AMOTL1: variants seen among roughly 807,000 people sequenced by gnomAD.
AMOTL1 encodes the protein angiomotin-like protein 1.
In AMOTL1, 45 loss-of-function variants were observed where a neutral mutation model predicts 102.9. That is an observed-to-expected ratio of 0.44 (90% CI 0.34 to 0.56). AMOTL1 has a LOEUF of 0.56. AMOTL1 is among the 20% of genes least tolerant of loss of function. The probability of loss-of-function intolerance (pLI) is 0.01; values close to 1 mark genes in which losing one functional copy is unlikely to be tolerated. For missense variants in AMOTL1, 1,114 were observed against 1,225.6 expected (o/e 0.91, Z 1.36); for synonymous variants, 481 against 484.7 (o/e 0.99, Z 0.10).
chr11:94,792,134 G>T (rs1321127292), intron 1 of AMOTL1, among the ~76,000 whole-genome samples: 1 of 152,166 alleles, frequency 6.6e-6, no homozygotes, highest in Non-Finnish European at 1.5e-5. Flanking sequence ...GGAATACTAT[G>T]CAGCCATAAA....
At chr11:94,786,259 A>C (rs1053317562) in intron 1 of AMOTL1, among the ~76,000 whole-genome samples, 2 of 152,224 alleles carry the variant, frequency 1.3e-5, no homozygotes, top group African/African-American at 4.8e-5. Flanking sequence ...TTAAAGGCTA[A>C]ATTTTAAAAA....
intron 3 of AMOTL1, among the ~76,000 whole-genome samples, chr11:94,744,599 A>G (rs1352207433): frequency 1.3e-5 from 2 of 152,114 alleles, no homozygotes; most frequent in Non-Finnish European, 2.9e-5. Context: ...GGAAGTGGGG[A>G]GAATAGGTCG....
upstream of AMOTL1, among the ~76,000 whole-genome samples, chr11:94,766,997 C>A (rs766628109): frequency 6.6e-6 from 1 of 152,140 alleles, no homozygotes; most frequent in Non-Finnish European, 1.5e-5. Flanking sequence ...TTGCCCAGTG[C>A]TGCCTTTTCC....
intron 3 of AMOTL1, among the ~76,000 whole-genome samples, chr11:94,757,599 G>T (rs1355413471): frequency 6.6e-6 from 1 of 152,112 alleles, no homozygotes; most frequent in Admixed American, 6.5e-5. Context: ...TAAGAAAAGG[G>T]AACAGCTTAG....
At chr11:94,840,764 TAAAAC>T (rs1367976350) in intron 6 of AMOTL1, among the ~76,000 whole-genome samples, 19 of 150,690 alleles carry the variant, frequency 1.3e-4, no homozygotes, top group African/African-American at 4.4e-4. Context: ...ATGCCTTAGT[TAAAAC>T]AAATATAAGT....
intron 2 of AMOTL1, among the ~76,000 whole-genome samples, chr11:94,732,748 C>G (rs1189830836): frequency 6.6e-6 from 1 of 152,206 alleles, no homozygotes; most frequent in Non-Finnish European, 1.5e-5. Context: ...GGGAATCCTG[C>G]TGTCTGTCAT....
At chr11:94,711,519 T>C (rs4408268) in intron 1 of AMOTL1, among the ~76,000 whole-genome samples, 36,226 of 152,010 alleles carry the variant, frequency 0.24, 5,367 homozygotes, top group Middle Eastern at 0.33. Context: ...TCACATTAGC[T>C]TCATGTAACT....
At chr11:94,845,540 T>C (rs1952393196) in intron 6 of AMOTL1, among the ~76,000 whole-genome samples, 2 of 152,270 alleles carry the variant, frequency 1.3e-5, no homozygotes, top group African/African-American at 4.8e-5. Context: ...AGTATAGTAC[T>C]ATGTGCCAAG....
intron 2 of AMOTL1, chr11:94,740,803 C>G: frequency 3.1e-6 from 2 of 644,836 alleles, no homozygotes; most frequent in South Asian, 3.1e-5. Flanking sequence ...CGCGGGGCCT[C>G]CGGCTCAGGG....
intron 5 of AMOTL1, 23 bp from the exon 6 acceptor site, chr11:94,831,429 A>T: frequency 6.3e-7 from 1 of 1,576,220 alleles, no homozygotes; most frequent in Non-Finnish European, 8.7e-7. Context: ...ATTTCTTTGT[A>T]ATCATTTCCT....
Position 94,780,823 on chromosome 11 carries a change from G to A in AMOTL1, c.49+12263G>A, listed in dbSNP as rs143373877. Among the ~76,000 whole-genome samples, 459 of 152,262 alleles carry A rather than the reference G, an allele frequency of 3.0e-3. 4 individuals carry two copies. Among genetic ancestry groups the A allele is most frequent in the African/African-American group, 0.01 (429 of 41,544 alleles). Reference sequence around the variant, plus strand: ...TAAACCATTTGTTTATGTTCACATAGCTCATCAACAGCAGAGCCAGGATTC... The same window carrying A: ...TAAACCATTTGTTTATGTTCACATAACTCATCAACAGCAGAGCCAGGATTC... On this transcript the variant is annotated intron_variant, in intron 1 of 12. Coordinates refer to ENST00000433060, the MANE Select transcript of AMOTL1 (RefSeq NM_130847.3).
At chr11:94,834,068 AGCATGTGGGTACAGAATGGCAG>A (rs1355419915) in intron 6 of AMOTL1, among the ~76,000 whole-genome samples, 7 of 152,214 alleles carry the variant, frequency 4.6e-5, no homozygotes, top group Non-Finnish European at 8.8e-5. Flanking sequence ...CTTTCATTTT[AGCATGTGGGTACAGAATGGCAG>A]GCATGAATTA....
chr11:94,707,356 T>C (rs1949948518), intron 1 of AMOTL1, among the ~76,000 whole-genome samples: 1 of 152,032 alleles, frequency 6.6e-6, no homozygotes, highest in Non-Finnish European at 1.5e-5. Context: ...TATGAGTCTC[T>C]GTCACTGATT....
chr11:94,852,441 G>A (rs1041647696), intron 7 of AMOTL1, among the ~76,000 whole-genome samples: 5 of 152,186 alleles, frequency 3.3e-5, no homozygotes, highest in African/African-American at 1.2e-4. Context: ...ATACACCCAG[G>A]TGCGGAATGA....
In AMOTL1 at chr11:94,799,529, C is replaced by T. The variant is rs777961676; in HGVS notation, c.339C>T (p.Thr113=). The part of the protein sequence containing the change: ...IQEQLRYGTP[T]ENMNLLAIQH... ...AACAACTGCGGTATGGCACCCCAACCGAGAACATGAACTTGCTGGCCATTC... is the reference window on the plus strand; with the variant it reads ...AACAACTGCGGTATGGCACCCCAACTGAGAACATGAACTTGCTGGCCATTC... The change falls in exon 3 of 13, where the codon ACC becomes ACT. Residue 113 remains threonine, a synonymous_variant. Coordinates refer to ENST00000433060, the MANE Select transcript of AMOTL1 (RefSeq NM_130847.3). The surrounding 1 kb of genome is among the most constrained non-coding windows in gnomAD (Gnocchi z 4.5). The T allele has an allele frequency of 2.7e-5, 44 of 1,613,644 alleles. No homozygotes were observed. Among genetic ancestry groups the T allele is most frequent in the Admixed American group, 1.5e-4 (9 of 59,998 alleles).
At chr11:94,764,576 A>T (rs1217587268), upstream of AMOTL1, among the ~76,000 whole-genome samples, 1 of 152,184 alleles carries the variant, frequency 6.6e-6, no homozygotes, top group Non-Finnish European at 1.5e-5. Flanking sequence ...GGCTGTGTGT[A>T]GTAGCTGTTC....
chr11:94,844,871 C>T (rs1952376471), intron 6 of AMOTL1, among the ~76,000 whole-genome samples: 1 of 152,240 alleles, frequency 6.6e-6, no homozygotes, highest in Non-Finnish European at 1.5e-5. Context: ...TTAGACACTA[C>T]TTGATCAAGC....
intron 2 of AMOTL1, among the ~76,000 whole-genome samples, chr11:94,737,086 T>G (rs1468792631): frequency 6.6e-6 from 1 of 152,236 alleles, no homozygotes; most frequent in Non-Finnish European, 1.5e-5. Flanking sequence ...GAAATTCAAA[T>G]AACTAAAATG....
chr11:94,717,388 A>G (rs572694553), intron 1 of AMOTL1, among the ~76,000 whole-genome samples: 2 of 149,862 alleles, frequency 1.3e-5, no homozygotes, highest in Admixed American at 1.3e-4. Context: ...GTCAGAAAAT[A>G]TAATTATTAA....
Sources: allele counts gnomAD v4.1 joint callset (sites outside exome capture counted in the v4.1 genomes callset), GRCh38; gene constraint gnomAD v4.1.1; non-coding constraint Gnocchi (gnomAD v3.1); transcripts MANE v1.5; gene names NCBI Gene and HGNC (gene_info 2026-07-23, HGNC 2026-07-21).